FGF12: variants seen among roughly 807,000 people sequenced by gnomAD.
FGF12 encodes fibroblast growth factor 12B.
FGF12 carries 14 observed loss-of-function variants against 23.6 expected under a neutral mutation model. That is an observed-to-expected ratio of 0.59 (90% CI 0.39 to 0.93). The LOEUF is 0.93. Ranked by LOEUF, FGF12 falls within the 40% of genes least tolerant of loss-of-function variation. FGF12 has a pLI of 0.00. For missense variants in FGF12, 175 were observed against 217.8 expected (o/e 0.80, Z 1.24); for synonymous variants, 62 against 77.3 (o/e 0.80, Z 1.04).
At chr3:192,351,863 C>T (rs1395992687) in intron 3 of FGF12, among the ~76,000 whole-genome samples, 1 of 152,056 alleles carries the variant, frequency 6.6e-6, no homozygotes, top group African/African-American at 2.4e-5. Context: ...TAAAGAAGAC[C>T]TCACATGGAC....
At chr3:192,500,883 T>C (rs6791751) in intron 2 of FGF12, among the ~76,000 whole-genome samples, 115,825 of 152,072 alleles carry the variant, frequency 0.76, 44,729 homozygotes, top group East Asian at 0.84. Flanking sequence ...AAAGAACAAC[T>C]CTGAAGGTTG....
At chr3:192,207,283 A>T (rs899080722) in intron 4 of FGF12, among the ~76,000 whole-genome samples, 1 of 152,242 alleles carries the variant, frequency 6.6e-6, no homozygotes, top group Admixed American at 6.5e-5. Flanking sequence ...AAAGATTATG[A>T]TGTCATGCCT....
At chr3:192,201,162 G>A (rs1717348070) in intron 4 of FGF12, among the ~76,000 whole-genome samples, 1 of 152,168 alleles carries the variant, frequency 6.6e-6, no homozygotes, top group South Asian at 2.1e-4. Context: ...GAATATGGAA[G>A]GAGTCAAGGT....
chr3:192,491,493 G>A (rs562657836), intron 2 of FGF12, among the ~76,000 whole-genome samples: 2 of 152,116 alleles, frequency 1.3e-5, no homozygotes, highest in Non-Finnish European at 2.9e-5. Flanking sequence ...CTCATTGGAT[G>A]AAAAATGTGA....
At chr3:192,169,783 C>CT (rs11399565) in intron 5 of FGF12, among the ~76,000 whole-genome samples, 4,190 of 150,070 alleles carry the variant, frequency 0.028, 176 homozygotes, top group African/African-American at 0.098. Context: ...CTCATCCTAG[C>CT]TAAGGAATTT....
chr3:192,471,827 T>C (rs1723181731), intron 2 of FGF12, among the ~76,000 whole-genome samples: 1 of 152,210 alleles, frequency 6.6e-6, no homozygotes, highest in South Asian at 2.1e-4. Context: ...ATAGATAGAA[T>C]ACAGTGTGTT....
At chr3:192,715,258 C>A (rs1228312658) in intron 2 of FGF12, among the ~76,000 whole-genome samples, 3 of 152,196 alleles carry the variant, frequency 2.0e-5, no homozygotes, top group Admixed American at 6.5e-5. Flanking sequence ...TTGCTTCCAA[C>A]CTTTCTTCCT....
At chr3:192,618,226 T>C (rs1714836140) in intron 2 of FGF12, among the ~76,000 whole-genome samples, 1 of 147,426 alleles carries the variant, frequency 6.8e-6, no homozygotes, top group Non-Finnish European at 1.5e-5. Context: ...CATTCTTTTA[T>C]AAAGAGATAT....
intron 2 of FGF12, among the ~76,000 whole-genome samples, chr3:192,704,465 A>G (rs1299858900): frequency 6.6e-6 from 1 of 152,236 alleles, no homozygotes; most frequent in Admixed American, 6.5e-5. Context: ...GTAAGTCTCA[A>G]TAGTGGGCTT....
rs149666984 is a variant in FGF12, at chr3:192,514,028, C to T, written c.14-153490G>A. On this transcript the variant is annotated intron_variant, in intron 2 of 5. Coordinates refer to ENST00000445105, the MANE Select transcript of FGF12 (RefSeq NM_004113.6). This position sits in a 1 kb window ranked among gnomAD's most constrained non-coding sequence, Gnocchi z 4.9. ...TTTTTTTCATTCAATTTTTAATGGC[C>T]TTTCTCAATATCTCAGTTCATTCAA... Among the ~76,000 whole-genome samples the T allele has an allele frequency of 4.1e-3, 628 of 151,990 alleles. 3 individuals are homozygous for T. Among genetic ancestry groups the T allele is most frequent in the African/African-American group, 0.014 (593 of 41,444 alleles).
rs1718689177 is a variant in FGF12 at position 192,360,819 on chromosome 3, C to G, written c.14-281G>C. 2.5e-6 allele frequency: 1 copy of G among 401,440 alleles called. No individual in the cohort carries two copies. The highest frequency in any genetic ancestry group is 2.0e-5 in the African/African-American group (1 of 48,942). 24.9% of individuals were successfully genotyped at this position (401,440 alleles called of 1,614,324 possible). A position where few individuals can be genotyped will look rare whatever the true frequency, so the allele number is the denominator to read the frequency against. ...TGCTAAAAAGTGAGTTATTTTCCTCCTTTGTGCATCTGGTGTCTGACTGCA... is the reference window on the plus strand; with the variant it reads ...TGCTAAAAAGTGAGTTATTTTCCTCGTTTGTGCATCTGGTGTCTGACTGCA... On this transcript the variant is annotated intron_variant, in intron 2 of 5. Transcript: ENST00000445105. The surrounding 1 kb of genome is among the most constrained non-coding windows in gnomAD (Gnocchi z 4.3).
chr3:192,620,342 T>C (rs898178914), intron 2 of FGF12, among the ~76,000 whole-genome samples: 1 of 152,146 alleles, frequency 6.6e-6, no homozygotes, highest in Non-Finnish European at 1.5e-5. Flanking sequence ...CTTCCTTTTA[T>C]AAGCACTCCT....
rs547775338 is a variant in FGF12, at chr3:192,174,879, G to A, written c.229-4223C>T. Among the ~76,000 whole-genome samples, 56 of 152,138 alleles carry A rather than the reference G, an allele frequency of 3.7e-4. 1 individual carries two copies. In the South Asian group the frequency reaches 6.8e-3, roughly 19 times the overall value. Reference sequence around the variant, plus strand: ...TTATTTTAAGGAAAATCATGCATATGGACACATGTTTTAAATGTTTAGAAT... The same window carrying A: ...TTATTTTAAGGAAAATCATGCATATAGACACATGTTTTAAATGTTTAGAAT... On this transcript the variant is annotated intron_variant, in intron 4 of 5. Transcript: ENST00000445105.
At chr3:192,609,424 G>T (rs1405342902) in intron 2 of FGF12, among the ~76,000 whole-genome samples, 1 of 152,114 alleles carries the variant, frequency 6.6e-6, no homozygotes, top group East Asian at 1.9e-4. Flanking sequence ...AGGGTAGGAG[G>T]GAGGGATCAT....
At chr3:192,244,790 G>A (rs1002287072) in intron 4 of FGF12, 1 of 152,118 alleles carries the variant, frequency 6.6e-6, no homozygotes, top group Non-Finnish European at 1.5e-5. Flanking sequence ...GTCATATTTT[G>A]TTAATTTAAA....
chr3:192,592,470 G>A (rs1209263656), intron 2 of FGF12, among the ~76,000 whole-genome samples: 6 of 151,662 alleles, frequency 4.0e-5, no homozygotes, highest in African/African-American at 1.5e-4. Flanking sequence ...CTTTTCTGCT[G>A]GTTTTTTCCC....
chr3:192,462,640 G>C (rs1475327544), intron 2 of FGF12, among the ~76,000 whole-genome samples: 1 of 152,040 alleles, frequency 6.6e-6, no homozygotes, highest in Non-Finnish European at 1.5e-5. Flanking sequence ...CAGAGTTATT[G>C]GCAAGTTAAG....
rs552421439 is a variant in FGF12 at position 192,502,866 on chromosome 3, A to C, written c.14-142328T>G. Among the ~76,000 whole-genome samples the C allele has an allele frequency of 8.0e-4, 122 of 152,372 alleles. 1 individual carries two copies. The South Asian group carries it at 0.017, about 21-fold the overall frequency. On this transcript the variant is annotated intron_variant, in intron 2 of 5. Transcript: ENST00000445105. ...GAAGACGAAGAGGCTCTTCTAGGGA[A>C]GCACATGGCCTAAGGGCTGTAGAAG...
At chr3:192,577,066 A>C (rs140237030) in intron 2 of FGF12, among the ~76,000 whole-genome samples, 3,348 of 151,888 alleles carry the variant, frequency 0.022, 53 homozygotes, top group Middle Eastern at 0.041. Flanking sequence ...CGGGTGGGGG[A>C]CTAGGGGAGG....
Sources: allele counts gnomAD v4.1 joint callset (sites outside exome capture counted in the v4.1 genomes callset), GRCh38; gene constraint gnomAD v4.1.1; non-coding constraint Gnocchi (gnomAD v3.1); transcripts MANE v1.5; gene names NCBI Gene and HGNC (gene_info 2026-07-23, HGNC 2026-07-21).